The following CFAP299 variants were observed in gnomAD, a reference collection of about 807,000 sequenced individuals.
CFAP299 encodes the protein cilia- and flagella-associated protein 299.
In CFAP299, 21 loss-of-function variants were observed where a neutral mutation model predicts 27.0. The observed-to-expected ratio is 0.78, with a 90% CI of 0.55 to 1.12. CFAP299 has a LOEUF of 1.12. Ranked by LOEUF, CFAP299 falls within the 50% of genes most tolerant of loss-of-function variation. The pLI is 0.00. For synonymous variants in CFAP299, 104 were observed against 98.1 expected (o/e 1.06, Z -0.36); for missense variants, 310 against 276.6 (o/e 1.12, Z -0.86).
At chr4:80,548,746 C>G (rs1282612909) in intron 2 of CFAP299, among the ~76,000 whole-genome samples, 1 of 152,084 alleles carries the variant, frequency 6.6e-6, no homozygotes, top group East Asian at 1.9e-4. Flanking sequence ...CTCATGTACC[C>G]TCTAACTTTG....
chr4:80,349,646 A>G (rs571664686), intron 1 of CFAP299, among the ~76,000 whole-genome samples: 15 of 152,298 alleles, frequency 9.8e-5, no homozygotes, highest in Admixed American at 9.2e-4. Context: ...GCAACGAGGA[A>G]CTCATGATAT....
At chr4:80,490,074 C>A (rs1040074086) in intron 2 of CFAP299, among the ~76,000 whole-genome samples, 4 of 152,112 alleles carry the variant, frequency 2.6e-5, no homozygotes, top group African/African-American at 9.7e-5. Context: ...AGACAACCCG[C>A]GTAAGTGACC....
chr4:80,554,658 G>A (rs1246154879), intron 2 of CFAP299, among the ~76,000 whole-genome samples: 1 of 151,818 alleles, frequency 6.6e-6, no homozygotes, highest in Admixed American at 6.6e-5. Context: ...ATTTGTTTGT[G>A]TCTTCTCTGG....
intron 2 of CFAP299, among the ~76,000 whole-genome samples, chr4:80,552,665 A>G (rs1489138090): frequency 6.6e-6 from 1 of 152,180 alleles, no homozygotes; most frequent in African/African-American, 2.4e-5. Context: ...TATTTTGAAT[A>G]AGAGGTTATT....
chr4:80,800,765 G>GTATACATATATGTATACATATA (rs1560419820), intron 3 of CFAP299, among the ~76,000 whole-genome samples: 5 of 127,416 alleles, frequency 3.9e-5, no homozygotes, highest in African/African-American at 1.6e-4. Context: ...GTGTGTGTGT[G>GTATACATATATGTATACATATA]TGTATATATA....
At chr4:80,434,727 A>T (rs1293427075) in intron 2 of CFAP299, among the ~76,000 whole-genome samples, 1 of 152,218 alleles carries the variant, frequency 6.6e-6, no homozygotes, top group Non-Finnish European at 1.5e-5. Flanking sequence ...TTGGGTGCAT[A>T]AAGAGGTATA....
At chr4:80,808,768 C>T (rs568245240) in intron 3 of CFAP299, among the ~76,000 whole-genome samples, 1 of 152,056 alleles carries the variant, frequency 6.6e-6, no homozygotes, top group Non-Finnish European at 1.5e-5. Flanking sequence ...TTGAGGGTCT[C>T]GATTCTGAGA....
At chr4:80,592,379 C>T (rs995064959) in intron 3 of CFAP299, among the ~76,000 whole-genome samples, 1 of 152,118 alleles carries the variant, frequency 6.6e-6, no homozygotes, top group African/African-American at 2.4e-5. Context: ...TTCTTCAGAT[C>T]TATAAATTGT....
intron 3 of CFAP299, among the ~76,000 whole-genome samples, chr4:80,776,485 G>T (rs1187588067): frequency 2.6e-5 from 4 of 152,046 alleles, no homozygotes; most frequent in African/African-American, 9.7e-5. Flanking sequence ...AGAAGTGTCT[G>T]TGACTTCAAC....
chr4:80,728,238 T>G (rs1316128743), intron 3 of CFAP299, among the ~76,000 whole-genome samples: 1 of 152,092 alleles, frequency 6.6e-6, no homozygotes, highest in Non-Finnish European at 1.5e-5. Context: ...GAATATTCTT[T>G]TTTAAAAAAT....
In CFAP299 at chr4:80,682,555, A is replaced by G. The variant is rs575711109; in HGVS notation, c.333+99372A>G. 4.6e-4 allele frequency among the ~76,000 whole-genome samples: 64 copies of G among 137,796 alleles called. 1 individual carries two copies. The highest frequency in any genetic ancestry group is 1.7e-4 in the Non-Finnish European group (11 of 64,652). 90.4% of individuals were successfully genotyped at this position (137,796 alleles called of 152,430 possible). On this transcript the variant is annotated intron_variant, in intron 3 of 5. Coordinates refer to ENST00000358105, the MANE Select transcript of CFAP299 (RefSeq NM_152770.3). ...GCCCCTACTAAATGCTAAGCAGTGT[A>G]CATTTTACATGCATACCACATTTTT...
At chr4:80,348,629 C>A (rs1037434844) in intron 1 of CFAP299, among the ~76,000 whole-genome samples, 2 of 152,008 alleles carry the variant, frequency 1.3e-5, no homozygotes, top group Non-Finnish European at 2.9e-5. Context: ...TGGCCATCTG[C>A]AATTCAAGAA....
chr4:80,718,360 A>G (rs1009149699), intron 3 of CFAP299, among the ~76,000 whole-genome samples: 4 of 152,218 alleles, frequency 2.6e-5, no homozygotes, highest in South Asian at 4.1e-4. Flanking sequence ...GGTGAATTGA[A>G]GAAACTACAG....
intron 3 of CFAP299, among the ~76,000 whole-genome samples, chr4:80,732,672 G>T (rs11936472): frequency 0.2 from 30,345 of 151,852 alleles, 3,620 homozygotes; most frequent in East Asian, 0.36. Flanking sequence ...CTCTTTCCTG[G>T]GTCCTCCACA....
At chr4:80,362,513 G>C (rs1018989991) in intron 1 of CFAP299, among the ~76,000 whole-genome samples, 2 of 45,730 alleles carry the variant, frequency 4.4e-5, no homozygotes, top group Admixed American at 4.4e-4. Flanking sequence ...ATTAGCAATT[G>C]ACATTTTTTT....
intron 4 of CFAP299, among the ~76,000 whole-genome samples, chr4:80,924,286 A>G (rs1736190569): frequency 6.6e-6 from 1 of 151,794 alleles, no homozygotes; most frequent in South Asian, 2.1e-4. Flanking sequence ...ACTTTTGGCT[A>G]TGGCCCACTA....
chr4:80,891,778 T>TAAAAAA (rs1200985883), intron 4 of CFAP299, among the ~76,000 whole-genome samples: 2 of 25,590 alleles, frequency 7.8e-5, no homozygotes, highest in African/African-American at 4.5e-4. Context: ...AAAAAAAAAT[T>TAAAAAA]AAAAAAAAAA....
At chr4:80,801,155 T>A (rs951416682) in intron 3 of CFAP299, among the ~76,000 whole-genome samples, 6 of 151,320 alleles carry the variant, frequency 4.0e-5, no homozygotes, top group African/African-American at 1.5e-4. Flanking sequence ...TCAAATCAAG[T>A]TGACACTCAG....
At position 80,784,270 on chromosome 4, in the gene CFAP299, G is replaced by A. The variant is rs1203721591; in HGVS notation, c.334-85723G>A. 2.0e-5 allele frequency among the ~76,000 whole-genome samples: 3 copies of A among 152,082 alleles called. No individual in the cohort carries two copies. In the East Asian group the frequency reaches 5.8e-4, roughly 29 times the overall value. On this transcript the variant is annotated intron_variant, in intron 3 of 5. Transcript: ENST00000358105. ...GGAAGGATTGCTGGGTCATACAGTAGTTCCATTTTTAATTTTCACAGAACT... is the reference window on the plus strand; with the variant it reads ...GGAAGGATTGCTGGGTCATACAGTAATTCCATTTTTAATTTTCACAGAACT...
Sources: gnomAD v4.1 joint callset for allele counts (sites outside exome capture counted in the v4.1 genomes callset) on GRCh38, gnomAD v4.1.1 for gene constraint, MANE v1.5 for transcripts, NCBI Gene and HGNC (gene_info 2026-07-23, HGNC 2026-07-21) for gene names.